SLC24A3: variants seen among roughly 807,000 people sequenced by gnomAD.
The protein encoded by SLC24A3 is solute carrier family 24 member 3, also known as sodium/potassium/calcium exchanger 3.
SLC24A3 carries 28 observed loss-of-function variants against 75.8 expected under a neutral mutation model. That is an observed-to-expected ratio of 0.37 (90% confidence interval 0.27 to 0.51). The LOEUF (loss-of-function observed/expected upper bound fraction) is 0.51. Among genes scored for constraint, SLC24A3 ranks in the 20% least tolerant of loss-of-function variants. SLC24A3 has a pLI of 0.94. For synonymous variants in SLC24A3, 372 were observed against 334.1 expected (o/e 1.11, Z -1.24); for missense variants, 663 against 847.8 (o/e 0.78, Z 2.71).
At chr20:19,645,391 G>T (rs2032125352) in intron 6 of SLC24A3, among the ~76,000 whole-genome samples, 1 of 152,122 alleles carries the variant, frequency 6.6e-6, no homozygotes, top group Non-Finnish European at 1.5e-5. Flanking sequence ...TTAGATCAGG[G>T]ATCACAGATG....
chr20:19,267,597 C>G (rs900911867), intron 1 of SLC24A3, among the ~76,000 whole-genome samples: 1 of 152,202 alleles, frequency 6.6e-6, no homozygotes, highest in Non-Finnish European at 1.5e-5. Context: ...ATTTTTAAAT[C>G]AGGTTATGTA....
At chr20:19,599,156 A>G (rs1196615258) in intron 6 of SLC24A3, among the ~76,000 whole-genome samples, 1 of 152,114 alleles carries the variant, frequency 6.6e-6, no homozygotes, top group Non-Finnish European at 1.5e-5. Flanking sequence ...CAGGCCACAC[A>G]TCCAGGAATA....
At chr20:19,410,033 C>T (rs963532717) in intron 2 of SLC24A3, among the ~76,000 whole-genome samples, 2 of 152,014 alleles carry the variant, frequency 1.3e-5, no homozygotes, top group South Asian at 2.1e-4. Flanking sequence ...TAAAGTATGT[C>T]GACAGTTTTT....
intron 1 of SLC24A3, among the ~76,000 whole-genome samples, chr20:19,218,035 C>T (rs999099384): frequency 7.9e-5 from 12 of 152,132 alleles, no homozygotes; most frequent in African/African-American, 2.4e-4. Flanking sequence ...ATGAACTTTC[C>T]GTACCTCTGT....
intron 1 of SLC24A3, chr20:19,213,487 C>T (rs1052914512): frequency 6.6e-6 from 1 of 152,538 alleles, no homozygotes; most frequent in Non-Finnish European, 1.5e-5. Flanking sequence ...AACCCCCTTT[C>T]AGAACAGGTG....
intron 1 of SLC24A3, among the ~76,000 whole-genome samples, chr20:19,236,277 G>T (rs1307659968): frequency 6.6e-6 from 1 of 152,168 alleles, no homozygotes; most frequent in African/African-American, 2.4e-5. Context: ...AAAGAGCAGT[G>T]TGGGAGTGTG....
chr20:19,649,838 G>A (rs921093603), intron 6 of SLC24A3, among the ~76,000 whole-genome samples: 8 of 152,146 alleles, frequency 5.3e-5, no homozygotes, highest in Non-Finnish European at 1.2e-4. Context: ...TCCCACTGCT[G>A]GTATTACCAA....
At chr20:19,625,136 C>G (rs1353942479) in intron 6 of SLC24A3, among the ~76,000 whole-genome samples, 1 of 152,100 alleles carries the variant, frequency 6.6e-6, no homozygotes, top group African/African-American at 2.4e-5. Context: ...GGAACTGAAG[C>G]CCCATTACTT....
intron 2 of SLC24A3, among the ~76,000 whole-genome samples, chr20:19,299,359 G>A (rs1262537803): frequency 6.6e-6 from 1 of 152,084 alleles, no homozygotes; most frequent in African/African-American, 2.4e-5. Context: ...GGTGATCTGA[G>A]GAGGCATTTC....
At chr20:19,495,771 T>A (rs1404707240) in intron 2 of SLC24A3, among the ~76,000 whole-genome samples, 1 of 152,202 alleles carries the variant, frequency 6.6e-6, no homozygotes, top group Non-Finnish European at 1.5e-5. Context: ...AGTACAATCT[T>A]TTCCATTCTG....
intron 1 of SLC24A3, among the ~76,000 whole-genome samples, chr20:19,219,670 A>G (rs1485983239): frequency 2.6e-5 from 4 of 152,254 alleles, no homozygotes; most frequent in Non-Finnish European, 5.9e-5. Flanking sequence ...AAAGATGCAG[A>G]CAGGCAATTT....
At chr20:19,603,065 C>T (rs1306956599) in intron 6 of SLC24A3, among the ~76,000 whole-genome samples, 1 of 152,202 alleles carries the variant, frequency 6.6e-6, no homozygotes, top group Non-Finnish European at 1.5e-5. Flanking sequence ...TGTTTAAAGT[C>T]CTGAAATCAC....
At chr20:19,648,093 T>G (rs2032159529) in intron 6 of SLC24A3, among the ~76,000 whole-genome samples, 2 of 152,210 alleles carry the variant, frequency 1.3e-5, no homozygotes, top group African/African-American at 4.8e-5. Flanking sequence ...ATTTCAGTGA[T>G]TTTTCCCGGC....
intron 2 of SLC24A3, among the ~76,000 whole-genome samples, chr20:19,440,907 T>A (rs1987287760): frequency 6.6e-6 from 1 of 152,102 alleles, no homozygotes; most frequent in Non-Finnish European, 1.5e-5. Flanking sequence ...ACCGACGGAC[T>A]GTTTTTTCAT....
chr20:19,584,919 C>A, intron 4 of SLC24A3, 52 bp from the exon 5 acceptor site: 3 of 1,551,364 alleles, frequency 1.9e-6, no homozygotes, highest in South Asian at 1.1e-5. Flanking sequence ...AGTCACCTCT[C>A]TTCCGAGATG....
chr20:19,645,884 T>G (rs1456092620), intron 6 of SLC24A3, among the ~76,000 whole-genome samples: 2 of 152,002 alleles, frequency 1.3e-5, no homozygotes, highest in East Asian at 3.9e-4. Flanking sequence ...AAAAACTCCA[T>G]CTCTACTAAA....
intron 1 of SLC24A3, among the ~76,000 whole-genome samples, chr20:19,222,628 T>C (rs972992036): frequency 2.6e-5 from 4 of 152,176 alleles, no homozygotes; most frequent in African/African-American, 9.7e-5. Flanking sequence ...TCCCCTAGAC[T>C]CAAGATATAT....
chr20:19,221,234 T>G (rs1213813971), intron 1 of SLC24A3, among the ~76,000 whole-genome samples: 1 of 152,166 alleles, frequency 6.6e-6, no homozygotes. Flanking sequence ...TTCCATCTCC[T>G]CTCAATATGT....
chr20:19,691,262 G>C (rs886905305), intron 12 of SLC24A3, among the ~76,000 whole-genome samples: 1 of 152,208 alleles, frequency 6.6e-6, no homozygotes, highest in Admixed American at 6.5e-5. Flanking sequence ...AGTGACATTC[G>C]AGCAGTGAAG....
Sources: gnomAD v4.1 joint callset for allele counts (sites outside exome capture counted in the v4.1 genomes callset) on GRCh38, gnomAD v4.1.1 for gene constraint, MANE v1.5 for transcripts, NCBI Gene and HGNC (gene_info 2026-07-23, HGNC 2026-07-21) for gene names.